Variants in VPS13B observed in about 807,000 individuals in gnomAD.
VPS13B encodes intermembrane lipid transfer protein VPS13B.
A neutral mutation model predicts 426.4 loss-of-function variants in VPS13B; 285 were observed. That is an observed-to-expected ratio of 0.67 (90% CI 0.61 to 0.74). VPS13B has a LOEUF of 0.74. Among genes scored for constraint, VPS13B ranks in the 30% least tolerant of loss-of-function variants. The probability of loss-of-function intolerance (pLI) is 0.00; values close to 1 mark genes in which losing one functional copy is unlikely to be tolerated. For synonymous variants in VPS13B, 1,676 were observed against 1,676.4 expected, an observed-to-expected ratio of 1.00 and a Z score of 0.01; for missense variants, 4,537 against 4,782.6, an observed-to-expected ratio of 0.95 and a Z score of 1.51.
At chr8:99,615,827 ATAT>A (rs1489726076) in intron 33 of VPS13B, among the ~76,000 whole-genome samples, 1 of 152,144 alleles carries the variant, frequency 6.6e-6, no homozygotes, top group Non-Finnish European at 1.5e-5. Flanking sequence ...TATTTTTGGA[ATAT>A]TATTATTATA....
intron 33 of VPS13B, among the ~76,000 whole-genome samples, chr8:99,578,865 T>C (rs1825901488): frequency 1.3e-5 from 2 of 152,190 alleles, no homozygotes; most frequent in African/African-American, 4.8e-5. Context: ...TAACTATTTA[T>C]CTACATACTT....
At chr8:99,761,427 C>T (rs1278385883) in intron 39 of VPS13B, among the ~76,000 whole-genome samples, 1 of 152,212 alleles carries the variant, frequency 6.6e-6, no homozygotes, top group Non-Finnish European at 1.5e-5. Context: ...TTCATTGCCC[C>T]TAGGCTACCT....
intron 14 of VPS13B, among the ~76,000 whole-genome samples, chr8:99,153,726 A>G (rs2132616276): frequency 6.6e-6 from 1 of 152,262 alleles, no homozygotes. Context: ...TATGTATTAG[A>G]TCAATTAAGA....
intron 15 of VPS13B, among the ~76,000 whole-genome samples, chr8:99,164,702 C>A (rs1363611651): frequency 6.6e-6 from 1 of 151,180 alleles, no homozygotes; most frequent in African/African-American, 2.4e-5. Flanking sequence ...CTCTTTCTCT[C>A]TTCGACTTCT....
chr8:99,566,171 C>T (rs1825170838), intron 31 of VPS13B, among the ~76,000 whole-genome samples: 1 of 151,772 alleles, frequency 6.6e-6, no homozygotes, highest in Admixed American at 6.6e-5. Context: ...GTAGATATAA[C>T]AGGGCAGAGA....
chr8:99,650,712 C>G (rs1433791806), intron 34 of VPS13B, among the ~76,000 whole-genome samples: 2 of 152,164 alleles, frequency 1.3e-5, no homozygotes, highest in Admixed American at 1.3e-4. Context: ...AATGTGGTCT[C>G]TCTTTCTCTC....
intron 33 of VPS13B, among the ~76,000 whole-genome samples, chr8:99,599,987 A>C (rs888075472): frequency 6.6e-6 from 1 of 152,152 alleles, no homozygotes; most frequent in African/African-American, 2.4e-5. Context: ...GTCCATGCCC[A>C]TTCAACTGTA....
intron 8 of VPS13B, 76 bp from the exon 9 acceptor site, chr8:99,134,552 TAATC>T: frequency 8.4e-7 from 1 of 1,193,466 alleles, no homozygotes. Flanking sequence ...GGCCTTGTTT[TAATC>T]AATTAATCAT....
At position 99,314,656 on chromosome 8, in the gene VPS13B, G is replaced by A. The variant is rs564901574; in HGVS notation, c.2824+39402G>A. ...TCTAGAGGTGGAGTCTTGCTGTTTT[G>A]TCCAGGCTGGTGTGAAACTCCTGGC... On this transcript the variant is annotated intron_variant, in intron 19 of 61. Transcript: ENST00000357162. Among the ~76,000 whole-genome samples the A allele has an allele frequency of 9.9e-5, 15 of 152,152 alleles. No individual in the cohort carries two copies. The South Asian group carries it at 2.9e-3, about 29-fold the overall frequency.
At chr8:99,776,443 A>G (rs184534750) in intron 40 of VPS13B, among the ~76,000 whole-genome samples, 2 of 152,288 alleles carry the variant, frequency 1.3e-5, no homozygotes, top group Non-Finnish European at 2.9e-5. Flanking sequence ...CTGAGACTGC[A>G]GGTGCATGCC....
At chr8:99,776,305 G>A (rs1811739781) in intron 40 of VPS13B, among the ~76,000 whole-genome samples, 1 of 152,180 alleles carries the variant, frequency 6.6e-6, no homozygotes, top group Non-Finnish European at 1.5e-5. Flanking sequence ...GGCATTTGAG[G>A]AATCCTTTAA....
At chr8:99,781,242 C>T (rs1588706376) in intron 42 of VPS13B, among the ~76,000 whole-genome samples, 1 of 152,122 alleles carries the variant, frequency 6.6e-6, no homozygotes, top group African/African-American at 2.4e-5. Context: ...GATTAAGGAT[C>T]CAAAATGCCA....
At chr8:99,342,241 T>G (rs1811290868) in intron 19 of VPS13B, among the ~76,000 whole-genome samples, 1 of 152,242 alleles carries the variant, frequency 6.6e-6, no homozygotes, top group Non-Finnish European at 1.5e-5. Flanking sequence ...CTATCCTTTT[T>G]CATGGTGAGA....
chr8:99,198,747 G>A (rs1814102003), intron 17 of VPS13B, among the ~76,000 whole-genome samples: 1 of 151,790 alleles, frequency 6.6e-6, no homozygotes, highest in Non-Finnish European at 1.5e-5. Flanking sequence ...TTATCAAATG[G>A]AATGCCTATA....
chr8:99,824,515 T>C (rs1814554125), intron 51 of VPS13B, among the ~76,000 whole-genome samples: 3 of 152,136 alleles, frequency 2.0e-5, no homozygotes, highest in African/African-American at 7.2e-5. Context: ...TTCAGTTCTT[T>C]GAACAATTAA....
rs761635675 is a variant in VPS13B, at chr8:99,143,014, A to C, written c.1692A>C (p.Glu564Asp). 7 of 1,613,458 alleles carry C rather than the reference A, an allele frequency of 4.3e-6. No homozygotes were observed. The highest frequency in any genetic ancestry group is 5.9e-6 in the Non-Finnish European group (7 of 1,179,854). Residue 564 changes from glutamate to aspartate, a missense_variant, in exon 13 of 62, where the codon GAA becomes GAC. Physicochemically the swap from Glu to Asp is conservative, Grantham distance 45 (BLOSUM62 2). This residue lies in a region of VPS13B where 4,311 missense variants were observed against 4,474.3 expected (regional missense o/e 0.96). Coordinates refer to ENST00000357162, the MANE Select transcript of VPS13B (RefSeq NM_152564.5). ...AAGACTTTTCTTCAGGGAAAAGTGAAGATTTGGGAACAGTTCAGGAGAAGT... is the reference window on the plus strand; with the variant it reads ...AAGACTTTTCTTCAGGGAAAAGTGACGATTTGGGAACAGTTCAGGAGAAGT... Reference protein sequence around the residue: ...NQQDFSSGKSEDLGTVQEKST... With the variant: ...NQQDFSSGKSDDLGTVQEKST...
chr8:99,560,774 C>G (rs1483952460), intron 31 of VPS13B, among the ~76,000 whole-genome samples: 1 of 152,200 alleles, frequency 6.6e-6, no homozygotes, highest in Non-Finnish European at 1.5e-5. Context: ...CTCTAAATAT[C>G]ACATGATAGC....
At chr8:99,727,959 A>G (rs1833418998) in intron 39 of VPS13B, among the ~76,000 whole-genome samples, 1 of 152,226 alleles carries the variant, frequency 6.6e-6, no homozygotes, top group Admixed American at 6.5e-5. Context: ...TATGTCTAAC[A>G]TTCAAATCAT....
intron 22 of VPS13B, among the ~76,000 whole-genome samples, chr8:99,436,360 G>T (rs1249305879): frequency 6.6e-6 from 1 of 152,026 alleles, no homozygotes; most frequent in African/African-American, 2.4e-5. Context: ...TGAATTAATT[G>T]TAAGTTATGA....
Sources: allele counts gnomAD v4.1 joint callset (sites outside exome capture counted in the v4.1 genomes callset), GRCh38; gene constraint gnomAD v4.1.1; regional missense constraint gnomAD v4.1.1; transcripts MANE v1.5; gene names NCBI Gene and HGNC (gene_info 2026-07-23, HGNC 2026-07-21).